SPATA2: variants seen among roughly 807,000 people sequenced by gnomAD.
The protein encoded by SPATA2 is spermatogenesis associated 2.
Under a neutral mutation model 35.4 loss-of-function variants are expected in SPATA2, and 8 were observed. That is an observed-to-expected ratio of 0.23 (90% CI 0.13 to 0.41). The LOEUF (loss-of-function observed/expected upper bound fraction) is 0.41. Among genes scored for constraint, SPATA2 ranks in the 10% least tolerant of loss-of-function variants. SPATA2 has a pLI of 1.00. For missense variants in SPATA2, 650 were observed against 698.7 expected, an observed-to-expected ratio of 0.93 and a Z score of 0.79; for synonymous variants, 293 against 300.9, an observed-to-expected ratio of 0.97 and a Z score of 0.27.
At chr20:49,911,280 G>C (rs1177494387) in intron 1 of SPATA2, among the ~76,000 whole-genome samples, 1 of 152,110 alleles carries the variant, frequency 6.6e-6, no homozygotes, top group Non-Finnish European at 1.5e-5. Flanking sequence ...TGGTAAGCTC[G>C]TGGTAAGCTC....
intron 1 of SPATA2, among the ~76,000 whole-genome samples, chr20:49,912,015 G>C (rs999757301): frequency 6.6e-6 from 1 of 152,186 alleles, no homozygotes; most frequent in African/African-American, 2.4e-5. Flanking sequence ...GGGACAGGTA[G>C]AGGACAGCAA....
At position 49,903,496 on chromosome 20, in the gene SPATA2, G is replaced by A. The variant is rs1053386618; in HGVS notation, c.*2123C>T. The A allele has an allele frequency of 3.3e-5, 5 of 152,138 alleles. No homozygotes were observed. The highest frequency in any genetic ancestry group is 1.2e-4 in the African/African-American group (5 of 41,420). 9.4% of individuals were successfully genotyped at this position (152,138 alleles called of 1,614,324 possible). A position where few individuals can be genotyped will look rare whatever the true frequency, so the allele number is the denominator to read the frequency against. The stretch of plus-strand genomic sequence containing the variant: ...AACATCTGCATTTTTAAATTAGCAT[G>A]TATTTAACTATCTCAATCACAGCAA... On this transcript the variant is annotated 3_prime_UTR_variant, in exon 3 of 3. Transcript: ENST00000289431.
rs757191424 is a variant in SPATA2 at position 49,906,807 on chromosome 20, T to C, written c.375A>G (p.Thr125=). The C allele has an allele frequency of 1.2e-6, 2 of 1,612,822 alleles. No individual in the cohort carries two copies. Among genetic ancestry groups the C allele is most frequent in the East Asian group, 4.5e-5 (2 of 44,844 alleles). ...TGGCTCGGATGTCCTCTTCCAGTAATGTCGACTTGACATAATAAACAAAAG... is the reference window on the plus strand; with the variant it reads ...TGGCTCGGATGTCCTCTTCCAGTAACGTCGACTTGACATAATAAACAAAAG... ...TGPFVYYVKS[T]LLEEDIRAIL... Residue 125 remains threonine (T), a synonymous_variant, in exon 3 of 3, where the codon ACA becomes ACG. Transcript: ENST00000289431. The surrounding 1 kb of genome is among the most constrained non-coding windows in gnomAD (Gnocchi z 8.2).
chr20:49,905,707 C>A lies in SPATA2; in HGVS notation c.1475G>T (p.Cys492Phe). The change falls in exon 3 of 3, where the codon TGC (cysteine) becomes TTC (phenylalanine). Residue 492 changes from cysteine to phenylalanine, a missense_variant. Physicochemically the swap from Cys to Phe is radical, Grantham distance 205. Transcript: ENST00000289431. ...CTTGTGCAGCTCACTCTTTTTGTAG[C>A]AGGGGTCATAATGGTAAGCGCTGAG... ...ACLSAYHYDP[C>F]YKKSELHKFM... The A allele has an allele frequency of 6.2e-7, 1 of 1,614,196 alleles. No individual in the cohort carries two copies. Among genetic ancestry groups the A allele is most frequent in the Non-Finnish European group, 8.5e-7 (1 of 1,180,040 alleles).
Position 49,906,642 on chromosome 20 carries a change from G to A in SPATA2, c.540C>T (p.His180=), listed in dbSNP as rs780358901. 1.4e-5 allele frequency: 23 copies of A among 1,614,236 alleles called. No homozygotes were observed. In the South Asian group the frequency reaches 2.4e-4, roughly 17 times the overall value. ...AGTAGCCCTTGTCCTTCACTTGTGA[G>A]TGGATTTCTAGCATCTGCTCACACT... The part of the protein sequence containing the change: ...KVECEQMLEI[H]SQVKDKGYSE... The change falls in exon 3 of 3, where the codon CAC becomes CAT. Residue 180 remains histidine, a synonymous_variant. Coordinates refer to ENST00000289431, the MANE Select transcript of SPATA2 (RefSeq NM_006038.4). The surrounding 1 kb of genome is among the most constrained non-coding windows in gnomAD (Gnocchi z 8.2).
At position 49,909,772 on chromosome 20, in the gene SPATA2, C is replaced by T. The variant is rs921865731; in HGVS notation, c.-102-1180G>A. Among the ~76,000 whole-genome samples, 7 of 152,294 alleles carry T rather than the reference C, an allele frequency of 4.6e-5. 1 individual carries two copies. Among genetic ancestry groups the T allele is most frequent in the Admixed American group, 3.9e-4 (6 of 15,306 alleles). On this transcript the variant is annotated intron_variant, in intron 1 of 2. Coordinates refer to ENST00000289431, the MANE Select transcript of SPATA2 (RefSeq NM_006038.4). ...GAGGAGAGGCAGATGCCAGCATCAG[C>T]GGGACCCTCAGCCCCAAGGCCGCAA...
Position 49,906,854 on chromosome 20 carries a change from G to T in SPATA2, c.337-9C>A, listed in dbSNP as rs1262437215. 1 of 1,593,052 alleles carries T rather than the reference G, an allele frequency of 6.3e-7. No homozygotes were observed. The highest frequency in any genetic ancestry group is 8.6e-7 in the Non-Finnish European group (1 of 1,167,698). On this transcript the variant is annotated splice_polypyrimidine_tract_variant and intron_variant, in intron 2 of 2. Coordinates refer to ENST00000289431, the MANE Select transcript of SPATA2 (RefSeq NM_006038.4). This position sits in a 1 kb window ranked among gnomAD's most constrained non-coding sequence, Gnocchi z 8.2. ...AAAGGGCCCGTGTAGGTCTAGAAGGGAGGGAGTAGAAAAGAAAGGTGGGGT... is the reference window on the plus strand; with the variant it reads ...AAAGGGCCCGTGTAGGTCTAGAAGGTAGGGAGTAGAAAAGAAAGGTGGGGT...
In SPATA2 at chr20:49,905,260, T is replaced by G; in HGVS notation, c.*359A>C. The stretch of plus-strand genomic sequence containing the variant: ...CAAGTTGGCTTTGCAATGGGAGGGG[T>G]AGGTGCAGCGAGGGTCCCAGAGACA... On this transcript the variant is annotated 3_prime_UTR_variant, in exon 3 of 3. Transcript: ENST00000289431. The G allele has an allele frequency of 4.8e-6, 1 of 208,358 alleles. No homozygotes were observed. The highest frequency in any genetic ancestry group is 2.3e-5 in the African/African-American group (1 of 43,112). 12.9% of individuals were successfully genotyped at this position (208,358 alleles called of 1,614,324 possible).
Position 49,908,314 on chromosome 20 carries a change from A to G in SPATA2, c.177T>C (p.Tyr59=). 1 of 1,614,262 alleles carries G rather than the reference A, an allele frequency of 6.2e-7. No individual in the cohort carries two copies. Among genetic ancestry groups the G allele is most frequent in the Non-Finnish European group, 8.5e-7 (1 of 1,180,030 alleles). ...LLSLHKVDPF[Y]RFRLIQFYEV... ...CATAGAACTGGATCAGCCGGAATCG[A>G]TAAAAGGGATCCACCTTGTGCAGGC... The change falls in exon 2 of 3, where the codon TAT becomes TAC. Residue 59 remains tyrosine, a synonymous_variant. Transcript: ENST00000289431.
chr20:49,906,912 C>T lies in SPATA2; in HGVS notation c.337-67G>A. The T allele has an allele frequency of 5.9e-6, 9 of 1,526,294 alleles. No homozygotes were observed. The highest frequency in any genetic ancestry group is 7.9e-6 in the Non-Finnish European group (9 of 1,132,262). 94.5% of individuals were successfully genotyped at this position (1,526,294 alleles called of 1,614,324 possible). On this transcript the variant is annotated intron_variant, in intron 2 of 2. Coordinates refer to ENST00000289431, the MANE Select transcript of SPATA2 (RefSeq NM_006038.4). This position sits in a 1 kb window ranked among gnomAD's most constrained non-coding sequence, Gnocchi z 8.2. ...CAGAGACACAAGACAGAGACTATGT[C>T]AAAGCAAAGGATGTCCAGCTCTGAA...
At chr20:49,913,880 C>A (rs1390009894) in intron 1 of SPATA2, 2 of 152,064 alleles carry the variant, frequency 1.3e-5, no homozygotes, top group African/African-American at 4.8e-5. Context: ...ACAGAGCCAG[C>A]AATTCATTCC....
Position 49,906,916 on chromosome 20 carries a change from G to A in SPATA2, c.337-71C>T. ...GACACAAGACAGAGACTATGTCAAAGCAAAGGATGTCCAGCTCTGAAGTGG... is the reference window on the plus strand; with the variant it reads ...GACACAAGACAGAGACTATGTCAAAACAAAGGATGTCCAGCTCTGAAGTGG... On this transcript the variant is annotated intron_variant, in intron 2 of 2. Coordinates refer to ENST00000289431, the MANE Select transcript of SPATA2 (RefSeq NM_006038.4). The surrounding 1 kb of genome is among the most constrained non-coding windows in gnomAD (Gnocchi z 8.2). 6.6e-7 allele frequency: 1 copy of A among 1,515,918 alleles called. No homozygotes were observed. Among genetic ancestry groups the A allele is most frequent in the Non-Finnish European group, 8.9e-7 (1 of 1,124,780 alleles). The allele number at this position is 1,515,918 out of a possible 1,614,324, so 93.9% of individuals were successfully genotyped here. A position where few individuals can be genotyped will look rare whatever the true frequency, so the allele number is the denominator to read the frequency against.
chr20:49,907,505 T>C (rs2090154903), intron 2 of SPATA2, among the ~76,000 whole-genome samples: 1 of 152,102 alleles, frequency 6.6e-6, no homozygotes, highest in Admixed American at 6.5e-5. Context: ...AATCAGAACG[T>C]TCCTCTCTGG....
intron 1 of SPATA2, among the ~76,000 whole-genome samples, chr20:49,910,165 C>G (rs540084681): frequency 6.6e-6 from 1 of 152,214 alleles, no homozygotes; most frequent in Non-Finnish European, 1.5e-5. Context: ...GGAGACAACA[C>G]GCGCAGGGTC....
rs142787562 is a variant in SPATA2 at position 49,905,676 on chromosome 20, C to T, written c.1506G>A (p.Met502Ile). Residue 502 changes from methionine to isoleucine, a missense_variant, in exon 3 of 3, where the codon ATG becomes ATA. Physicochemically the swap from Met to Ile is conservative, Grantham distance 10 (BLOSUM62 1). Coordinates refer to ENST00000289431, the MANE Select transcript of SPATA2 (RefSeq NM_006038.4). ...ACTTGTAGTTCAGCTGGTTGTTGGG[C>T]ATGAACTTGTGCAGCTCACTCTTTT... ...CYKKSELHKFMPNNQLNYKST... is the reference protein window; with the variant it reads ...CYKKSELHKFIPNNQLNYKST... 8 of 1,614,102 alleles carry T rather than the reference C, an allele frequency of 5.0e-6. No individual in the cohort carries two copies. In the African/African-American group the frequency reaches 1.1e-4, roughly 22 times the overall value.
intron 1 of SPATA2, among the ~76,000 whole-genome samples, chr20:49,914,439 C>T (rs1025122346): frequency 2.6e-5 from 4 of 152,092 alleles, no homozygotes; most frequent in Non-Finnish European, 5.9e-5. Flanking sequence ...TTTACACATC[C>T]CTGGTCTAGC....
At position 49,908,227 on chromosome 20, in the gene SPATA2, G is replaced by C. The variant is rs771425556; in HGVS notation, c.264C>G (p.Ala88=). The change falls in exon 2 of 3, where the codon GCC becomes GCG. Residue 88 remains alanine, a synonymous_variant. Coordinates refer to ENST00000289431, the MANE Select transcript of SPATA2 (RefSeq NM_006038.4). ...SSSSLRALHG[A]FSMLETVGIN... ...TGCCCACCGTCTCCAGCATGCTGAA[G>C]GCGCCGTGCAGAGCCCGCAGGCTAG... 6.2e-7 allele frequency: 1 copy of C among 1,614,024 alleles called. No individual in the cohort carries two copies. The highest frequency in any genetic ancestry group is 8.5e-7 in the Non-Finnish European group (1 of 1,180,002).
At chr20:49,907,072 T>C (rs2090150678) in intron 2 of SPATA2, among the ~76,000 whole-genome samples, 1 of 152,172 alleles carries the variant, frequency 6.6e-6, no homozygotes, top group African/African-American at 2.4e-5. Context: ...GCTCCTTTCT[T>C]TTGTTTGAGA....
intron 1 of SPATA2, among the ~76,000 whole-genome samples, chr20:49,915,117 C>A (rs994653650): frequency 6.6e-6 from 1 of 152,178 alleles, no homozygotes; most frequent in Admixed American, 6.5e-5. Flanking sequence ...TTTGGCCAGT[C>A]GCCGAAGAGG....
Sources: gnomAD v4.1 joint callset for allele counts (sites outside exome capture counted in the v4.1 genomes callset) on GRCh38, gnomAD v4.1.1 for gene constraint, Gnocchi (gnomAD v3.1) non-coding constraint, MANE v1.5 for transcripts, NCBI Gene and HGNC (gene_info 2026-07-23, HGNC 2026-07-21) for gene names.